Variants in TTN observed in about 807,000 individuals in gnomAD.
TTN encodes the protein connectin.
In TTN, 1,525 loss-of-function variants were observed where a neutral mutation model predicts 3,223.0. That is an observed-to-expected ratio of 0.47 (90% CI 0.45 to 0.49). The LOEUF (loss-of-function observed/expected upper bound fraction) is 0.49. Ranked by LOEUF, TTN falls within the 20% of genes least tolerant of loss-of-function variation. The probability of loss-of-function intolerance (pLI) is 0.00; values close to 1 mark genes in which losing one functional copy is unlikely to be tolerated. For synonymous variants in TTN, 14,094 were observed against 15,161.0 expected (o/e 0.93, Z 5.17); for missense variants, 40,786 against 43,424.0 (o/e 0.94, Z 5.40).
At chr2:178,799,386 C>G in intron 6 of TTN, 101 bp downstream of exon 6, 1 of 1,581,250 alleles carries the variant, frequency 6.3e-7, no homozygotes, top group Non-Finnish European at 8.6e-7. Context: ...GCGAACCACT[C>G]TCCGCGTCGC....
intron 49 of TTN, among the ~76,000 whole-genome samples, chr2:178,737,060 A>T (rs2081585752): frequency 6.6e-6 from 1 of 151,952 alleles, no homozygotes; most frequent in South Asian, 2.1e-4. Flanking sequence ...TCATACTCAC[A>T]CTTTCTCTTG....
Position 178,721,880 on chromosome 2 carries a change from T to G in TTN, c.22783A>C (p.Lys7595Gln). 6.2e-7 allele frequency: 1 copy of G among 1,612,770 alleles called. No homozygotes were observed. The highest frequency in any genetic ancestry group is 8.5e-7 in the Non-Finnish European group (1 of 1,179,182). The change falls in exon 78 of 363, where the codon AAA becomes CAA. Residue 7595 changes from lysine to glutamine, a missense_variant. Transcript: ENST00000589042. ...YTCQATNDVG[K>Q]DMCSAQLSVK... ...CTGAGCTGAGCTGAGCACATGTCTT[T>G]GCCAACATCATTGGTTGCTTGGCAA...
chr2:178,571,025 C>T lies in TTN; in HGVS notation c.75107G>A (p.Ser25036Asn). Residue 25036 changes from serine to asparagine, a missense_variant, in exon 326 of 363, where the codon AGC (serine) becomes AAC (asparagine). Coordinates refer to ENST00000589042, the MANE Select transcript of TTN (RefSeq NM_001267550.2). ...QWKKPTYDGG[S>N]KITGYIVEKK... ...CTCAACAATATAACCAGTGATCTTG[C>T]TTCCACCGTCATAGGTGGGTTTCTT... The T allele has an allele frequency of 6.2e-7, 1 of 1,612,576 alleles. No homozygotes were observed. Among genetic ancestry groups the T allele is most frequent in the Non-Finnish European group, 8.5e-7 (1 of 1,178,854 alleles).
chr2:178,526,283 G>A lies in TTN; in HGVS notation c.*729C>T, dbSNP rs1686386668. ...GACCTCCAAGAGTTGGCACTGCTCT[G>A]GCATAGGAATACTTGAATAGCTTGG... On this transcript the variant is annotated 3_prime_UTR_variant, in exon 363 of 363. Transcript: ENST00000589042. The A allele has an allele frequency of 1.3e-5, 2 of 152,574 alleles. No homozygotes were observed. 9.5% of individuals were successfully genotyped at this position (152,574 alleles called of 1,614,324 possible).
intron 121 of TTN, among the ~76,000 whole-genome samples, chr2:178,691,074 G>C (rs1206327890): frequency 1.3e-5 from 2 of 152,086 alleles, no homozygotes; most frequent in Non-Finnish European, 2.9e-5. Context: ...TGTATTTAAT[G>C]GTTAGATAAT....
chr2:178,642,027 C>T (rs1162880309), intron 219 of TTN, among the ~76,000 whole-genome samples: 1 of 150,950 alleles, frequency 6.6e-6, no homozygotes, highest in African/African-American at 2.4e-5. Flanking sequence ...TTTCAAAATA[C>T]TGTGAATGCT....
chr2:178,707,421 T>G, intron 100 of TTN, 105 bp downstream of exon 100: 3 of 1,356,624 alleles, frequency 2.2e-6, no homozygotes, highest in Non-Finnish European at 2.9e-6. Context: ...GAGCAACAAC[T>G]GATATTTCTA....
At position 178,642,222 on chromosome 2, in the gene TTN, T is replaced by C; in HGVS notation, c.40558+15A>G. On this transcript the variant is annotated intron_variant, in intron 219 of 362. Coordinates refer to ENST00000589042, the MANE Select transcript of TTN (RefSeq NM_001267550.2). Reference sequence around the variant, plus strand: ...ATATACTTAACGCTGACAGAATGGTTGAAAAATACTATACCGCTTTTCAGA... The same window carrying C: ...ATATACTTAACGCTGACAGAATGGTCGAAAAATACTATACCGCTTTTCAGA... The C allele has an allele frequency of 6.4e-7, 1 of 1,566,610 alleles. No homozygotes were observed. Among genetic ancestry groups the C allele is most frequent in the South Asian group, 1.2e-5 (1 of 84,140 alleles).
At position 178,608,417 on chromosome 2, in the gene TTN, A is replaced by G. The variant is rs1337777235; in HGVS notation, c.52466T>C (p.Val17489Ala). The G allele has an allele frequency of 6.2e-7, 1 of 1,609,540 alleles. No homozygotes were observed. The highest frequency in any genetic ancestry group is 1.3e-5 in the African/African-American group (1 of 74,816). ...ATTATCTTTTGGTTCATTCCATTTC[A>G]CTAGCATACTGTTGCTGGTAACATC... The part of the protein sequence containing the change: ...VEDVTSNSML[V>A]KWNEPKDNGS... The change falls in exon 275 of 363, where the codon GTG becomes GCG. Residue 17489 changes from valine to alanine, a missense_variant. Physicochemically the swap from Val to Ala is moderately conservative, Grantham distance 64 (BLOSUM62 0). Transcript: ENST00000589042.
In TTN at chr2:178,529,066, G is replaced by C; in HGVS notation, c.106685C>G (p.Ala35562Gly). ...MSEAKSQEKLALKEEASKVLI... is the reference protein window; with the variant it reads ...MSEAKSQEKLGLKEEASKVLI... ...AACCTTTGAAGCTTCCTCTTTGAGG[G>C]CTAACTTTTCTTGAGATTTTGCCTC... The change falls in exon 360 of 363, where the codon GCC becomes GGC. Residue 35562 changes from alanine to glycine, a missense_variant. By Grantham distance (60) the Ala-to-Gly change is moderately conservative (BLOSUM62 0). Transcript: ENST00000589042. 2 of 1,613,544 alleles carry C rather than the reference G, an allele frequency of 1.2e-6. No individual in the cohort carries two copies. The highest frequency in any genetic ancestry group is 1.7e-6 in the Non-Finnish European group (2 of 1,179,808).
intron 99 of TTN, 112 bp downstream of exon 99, chr2:178,709,454 G>C (rs1028890979): frequency 2.8e-6 from 3 of 1,087,746 alleles, no homozygotes; most frequent in Non-Finnish European, 3.9e-6. Flanking sequence ...TAAATAATGT[G>C]TATTTATATT....
At position 178,559,959 on chromosome 2, in the gene TTN, C is replaced by G. The variant is rs1216305497; in HGVS notation, c.86173G>C (p.Val28725Leu). 6.2e-7 allele frequency: 1 copy of G among 1,613,806 alleles called. No homozygotes were observed. The highest frequency in any genetic ancestry group is 1.1e-5 in the South Asian group (1 of 91,082). ...GCACCAACCTTATTGACAGATTTTA[C>G]TCTGAAAACATATTCAGCTCCTGTT... ...LTTGAEYVFR[V>L]KSVNKVGASD... Residue 28725 changes from valine to leucine, a missense_variant, in exon 326 of 363, where the codon GTA (valine) becomes CTA (leucine). Coordinates refer to ENST00000589042, the MANE Select transcript of TTN (RefSeq NM_001267550.2).
rs771628562 is a variant in TTN, at chr2:178,719,358, G to A, written c.24032C>T (p.Ser8011Leu). 1 of 1,613,768 alleles carries A rather than the reference G, an allele frequency of 6.2e-7. No individual in the cohort carries two copies. The highest frequency in any genetic ancestry group is 8.5e-7 in the Non-Finnish European group (1 of 1,179,746). The change falls in exon 83 of 363, where the codon TCA (serine) becomes TTA (leucine). Residue 8011 changes from serine (S) to leucine (L), a missense_variant. Coordinates refer to ENST00000589042, the MANE Select transcript of TTN (RefSeq NM_001267550.2). ...SVVLECRVSGSAPISVGWFQD... is the reference protein window; with the variant it reads ...SVVLECRVSGLAPISVGWFQD... ...AAACCAGCCAACTGAAATCGGGGCT[G>A]AGCCAGAGACTCGGCACTCCAAAAC...
intron 199 of TTN, 49 bp from the exon 200 acceptor site, chr2:178,652,980 A>G (rs1279939260): frequency 8.1e-6 from 13 of 1,605,080 alleles, no homozygotes; most frequent in South Asian, 1.1e-5. Flanking sequence ...AGACCACTAG[A>G]AAAGTATTTT....
chr2:178,633,504 G>C lies in TTN; in HGVS notation c.42855C>G (p.Ile14285Met), dbSNP rs761517606. Residue 14285 changes from isoleucine (I) to methionine (M), a missense_variant, in exon 232 of 363, where the codon ATC (isoleucine) becomes ATG (methionine). Ile to Met is a conservative substitution (Grantham distance 10). Coordinates refer to ENST00000589042, the MANE Select transcript of TTN (RefSeq NM_001267550.2). ...TAAGGTCCGCCTTTTTGATTTTTAA[G>C]ATGCGGCGCAGGCCATCTGCCTTGA... ...YSIKADGLRR[I>M]LKIKKADLKD... 1.2e-6 allele frequency: 2 copies of C among 1,613,338 alleles called. No homozygotes were observed. Among genetic ancestry groups the C allele is most frequent in the Non-Finnish European group, 1.7e-6 (2 of 1,179,606 alleles).
chr2:178,671,171 CT>C lies in TTN; in HGVS notation c.35228-2del. 6.3e-7 allele frequency: 1 copy of C among 1,592,170 alleles called. No individual in the cohort carries two copies. The highest frequency in any genetic ancestry group is 8.5e-7 in the Non-Finnish European group (1 of 1,171,616). The stretch of plus-strand genomic sequence containing the variant: ...ATGATTTTCTCAGATATCTCAGGCC[CT>C]TCAAAGATATTAGTATTTTGGTTTA... On this transcript the variant is annotated splice_acceptor_variant, in intron 155 of 362. Transcript: ENST00000589042. LOFTEE classifies it high-confidence loss of function.
chr2:178,665,542 T>C, intron 164 of TTN, 82 bp from the exon 165 acceptor site: 1 of 1,468,890 alleles, frequency 6.8e-7, no homozygotes, highest in Non-Finnish European at 9.4e-7. Flanking sequence ...AAAGTGATAT[T>C]TATGGCTAAA....
rs12620786 is a variant in TTN at position 178,600,755 on chromosome 2, C to G, written c.56050+99G>C. 1.1e-5 allele frequency: 15 copies of G among 1,421,360 alleles called. No homozygotes were observed. In the South Asian group the frequency reaches 1.7e-4, roughly 16 times the overall value. 88.0% of individuals were successfully genotyped at this position (1,421,360 alleles called of 1,614,324 possible). ...TCTACATTCAAGCCATAGTAGCTTC[C>G]TAAGGTACAGATATAGCTCTTTTAA... On this transcript the variant is annotated intron_variant, in intron 288 of 362. Coordinates refer to ENST00000589042, the MANE Select transcript of TTN (RefSeq NM_001267550.2).
Position 178,776,596 on chromosome 2 carries a change from T to C in TTN, c.5268A>G (p.Glu1756=), listed in dbSNP as rs775999739. The C allele has an allele frequency of 3.1e-5, 50 of 1,613,902 alleles. No homozygotes were observed. Among genetic ancestry groups the C allele is most frequent in the Non-Finnish European group, 3.9e-5 (46 of 1,180,018 alleles). ...EAANRLRMIN[E]FGYCSLDYGV... The stretch of plus-strand genomic sequence containing the variant: ...CATAATCAAGGCTGCAGTACCCAAA[T>C]TCATTGATCATACGGAGCCTGTTGG... Residue 1756 remains glutamate (E), a synonymous_variant, in exon 28 of 363, where the codon GAA becomes GAG. Coordinates refer to ENST00000589042, the MANE Select transcript of TTN (RefSeq NM_001267550.2).
Sources: allele counts gnomAD v4.1 joint callset (sites outside exome capture counted in the v4.1 genomes callset), GRCh38; gene constraint gnomAD v4.1.1; transcripts MANE v1.5; gene names NCBI Gene and HGNC (gene_info 2026-07-23, HGNC 2026-07-21).